Variants in MMP16 observed in about 807,000 individuals in gnomAD.
MMP16 encodes the protein matrix metallopeptidase 16, also known as matrix metalloproteinase-16.
A neutral mutation model predicts 67.8 loss-of-function variants in MMP16; 12 were observed. That is an observed-to-expected ratio of 0.18 (90% CI 0.11 to 0.29). The LOEUF (loss-of-function observed/expected upper bound fraction) is 0.29. MMP16 is among the 10% of genes least tolerant of loss of function. The pLI, the probability that MMP16 is intolerant of heterozygous loss-of-function variation, is 1.00. For synonymous variants in MMP16, 249 were observed against 255.9 expected (o/e 0.97, Z 0.26); for missense variants, 475 against 765.7 (o/e 0.62, Z 4.48).
At chr8:88,184,198 T>G (rs1035475271) in intron 3 of MMP16, among the ~76,000 whole-genome samples, 1 of 152,204 alleles carries the variant, frequency 6.6e-6, no homozygotes, top group Admixed American at 6.5e-5. Context: ...TCTCTCTACT[T>G]GACCTACATG....
intron 6 of MMP16, among the ~76,000 whole-genome samples, chr8:88,093,268 C>T (rs13277637): frequency 0.086 from 12,998 of 151,818 alleles, 780 homozygotes; most frequent in Middle Eastern, 0.17. Context: ...GCTTCAGAAG[C>T]CGACTTTTGA....
At chr8:88,052,287 A>C (rs1808280538) in intron 8 of MMP16, among the ~76,000 whole-genome samples, 1 of 152,128 alleles carries the variant, frequency 6.6e-6, no homozygotes, top group Non-Finnish European at 1.5e-5. Context: ...TCTCCAGATA[A>C]GGTGCTATCT....
In MMP16 at chr8:88,037,799, T is replaced by G. The variant is rs1808074761; in HGVS notation, c.*3662A>C. On this transcript the variant is annotated 3_prime_UTR_variant, in exon 10 of 10. Transcript: ENST00000286614. ...ACTAAAATTCTTAACTATATGGTCA[T>G]TTTACATGAAGACCATTACCTTGTT... 6.6e-6 allele frequency: 1 copy of G among 151,998 alleles called. No individual in the cohort carries two copies. Among genetic ancestry groups the G allele is most frequent in the Admixed American group, 6.6e-5 (1 of 15,236 alleles). The allele number at this position is 151,998 out of a possible 1,614,324, so 9.4% of individuals were successfully genotyped here.
rs201164262 is a variant in MMP16, at chr8:88,133,233, A to C, written c.710-14372T>G. Among the ~76,000 whole-genome samples, 6 of 61,480 alleles carry C rather than the reference A, an allele frequency of 9.8e-5. No individual in the cohort carries two copies. The East Asian group carries it at 3.5e-3, about 36-fold the overall frequency. 40.3% of individuals were successfully genotyped at this position (61,480 alleles called of 152,430 possible). A position where few individuals can be genotyped will look rare whatever the true frequency, so the allele number is the denominator to read the frequency against. On this transcript the variant is annotated intron_variant, in intron 4 of 9. Transcript: ENST00000286614. ...ACCTTTATTAAATTTGATTCTTAAG[A>C]AAAAAAATACAAGCTTCAAAATCTG...
intron 4 of MMP16, among the ~76,000 whole-genome samples, chr8:88,124,358 T>C (rs1413811598): frequency 6.6e-6 from 1 of 151,962 alleles, no homozygotes; most frequent in Non-Finnish European, 1.5e-5. Context: ...TTAATTAGGT[T>C]TTATTATTAT....
At chr8:88,296,928 A>G (rs1445416427) in intron 1 of MMP16, among the ~76,000 whole-genome samples, 2 of 151,988 alleles carry the variant, frequency 1.3e-5, no homozygotes, top group African/African-American at 4.8e-5. Flanking sequence ...CTGAAAATAA[A>G]TAAATAATTA....
rs1808087546 is a variant in MMP16, at chr8:88,038,611, G to A, written c.*2850C>T. The A allele has an allele frequency of 6.6e-6, 1 of 152,474 alleles. No homozygotes were observed. Among genetic ancestry groups the A allele is most frequent in the African/African-American group, 2.4e-5 (1 of 41,426 alleles). 9.4% of individuals were successfully genotyped at this position (152,474 alleles called of 1,614,324 possible). A position where few individuals can be genotyped will look rare whatever the true frequency, so the allele number is the denominator to read the frequency against. ...ACACAGTTCCTCATTTCTATCTTTAGCAAAATATAGTTTCCAGTTATTTTT... is the reference window on the plus strand; with the variant it reads ...ACACAGTTCCTCATTTCTATCTTTAACAAAATATAGTTTCCAGTTATTTTT... On this transcript the variant is annotated 3_prime_UTR_variant, in exon 10 of 10. Coordinates refer to ENST00000286614, the MANE Select transcript of MMP16 (RefSeq NM_005941.5). The surrounding 1 kb of genome is among the most constrained non-coding windows in gnomAD (Gnocchi z 4.1).
chr8:88,281,274 G>A (rs1019655054), intron 1 of MMP16, among the ~76,000 whole-genome samples: 10 of 152,190 alleles, frequency 6.6e-5, no homozygotes, highest in Admixed American at 1.3e-4. Context: ...TTAAATTCAT[G>A]TAGAGTCAAA....
At chr8:88,317,567 T>C (rs544957199) in intron 1 of MMP16, among the ~76,000 whole-genome samples, 2 of 152,310 alleles carry the variant, frequency 1.3e-5, no homozygotes, top group African/African-American at 4.8e-5. Context: ...AATTTCTCTT[T>C]ATTGCAGTGA....
At chr8:88,140,334 T>C (rs987548723) in intron 4 of MMP16, among the ~76,000 whole-genome samples, 2 of 152,154 alleles carry the variant, frequency 1.3e-5, no homozygotes, top group Non-Finnish European at 2.9e-5. Context: ...CAGAAAGGGT[T>C]AGCTCTAGTT....
intron 1 of MMP16, among the ~76,000 whole-genome samples, chr8:88,221,337 C>A (rs1369653708): frequency 6.6e-6 from 1 of 152,074 alleles, no homozygotes; most frequent in African/African-American, 2.4e-5. Context: ...ACAGTGTATG[C>A]ACAGTGAAGC....
chr8:88,169,773 A>G (rs1808769960), intron 3 of MMP16, among the ~76,000 whole-genome samples: 1 of 152,150 alleles, frequency 6.6e-6, no homozygotes, highest in Non-Finnish European at 1.5e-5. Flanking sequence ...GGTCACAGAG[A>G]GAGAGCAAGT....
Position 88,046,803 on chromosome 8 carries a change from A to G in MMP16, c.1374-19T>C. The G allele has an allele frequency of 6.9e-7, 1 of 1,455,082 alleles. No individual in the cohort carries two copies. The highest frequency in any genetic ancestry group is 1.2e-5 in the South Asian group (1 of 82,608). The allele number at this position is 1,455,082 out of a possible 1,614,324, so 90.1% of individuals were successfully genotyped here. A position where few individuals can be genotyped will look rare whatever the true frequency, so the allele number is the denominator to read the frequency against. The stretch of plus-strand genomic sequence containing the variant: ...CCAATATCTACAAAGGATAAAAACA[A>G]CAACAACAAACACAATAACACACAT... On this transcript the variant is annotated intron_variant, in intron 8 of 9. Coordinates refer to ENST00000286614, the MANE Select transcript of MMP16 (RefSeq NM_005941.5).
At chr8:88,302,831 G>T (rs1811125812) in intron 1 of MMP16, among the ~76,000 whole-genome samples, 2 of 152,170 alleles carry the variant, frequency 1.3e-5, no homozygotes, top group Admixed American at 1.3e-4. Context: ...TCTCGCACTG[G>T]CACTGACTAG....
intron 3 of MMP16, among the ~76,000 whole-genome samples, chr8:88,184,980 G>A (rs1809051020): frequency 6.6e-6 from 1 of 151,974 alleles, no homozygotes; most frequent in Non-Finnish European, 1.5e-5. Flanking sequence ...AAAAAAATAT[G>A]TGAAGTAAAA....
intron 3 of MMP16, among the ~76,000 whole-genome samples, chr8:88,176,071 T>G (rs377038909): frequency 9.2e-5 from 14 of 152,160 alleles, no homozygotes; most frequent in African/African-American, 3.4e-4. Context: ...CTAACACAGG[T>G]AGTATTGTTA....
intron 6 of MMP16, among the ~76,000 whole-genome samples, chr8:88,095,246 C>T (rs1185713378): frequency 2.0e-5 from 3 of 151,702 alleles, no homozygotes; most frequent in Admixed American, 6.6e-5. Context: ...TTTATTATAA[C>T]TACAGGTAGA....
chr8:88,324,840 C>T (rs1393927129), intron 1 of MMP16, among the ~76,000 whole-genome samples: 1 of 152,044 alleles, frequency 6.6e-6, no homozygotes, highest in East Asian at 1.9e-4. Context: ...ATTTCCATTT[C>T]ACTAGCAGCT....
At chr8:88,248,927 G>C (rs1262808216) in intron 1 of MMP16, among the ~76,000 whole-genome samples, 6 of 151,736 alleles carry the variant, frequency 4.0e-5, no homozygotes, top group African/African-American at 2.4e-5. Flanking sequence ...ATCTGTAATT[G>C]TTTTTGTTTT....
Sources: allele counts gnomAD v4.1 joint callset (sites outside exome capture counted in the v4.1 genomes callset), GRCh38; gene constraint gnomAD v4.1.1; non-coding constraint Gnocchi (gnomAD v3.1); transcripts MANE v1.5; gene names NCBI Gene and HGNC (gene_info 2026-07-23, HGNC 2026-07-21).